The following PSMD9 variants were observed in gnomAD, a reference collection of about 807,000 sequenced individuals.
The protein encoded by PSMD9 is 26S proteasome non-ATPase regulatory subunit 9.
PSMD9 carries 26 observed loss-of-function variants against 25.9 expected under a neutral mutation model. That is an observed-to-expected ratio of 1.00 (90% confidence interval 0.73 to 1.39). The LOEUF (loss-of-function observed/expected upper bound fraction) is 1.39, where lower values mean the gene tolerates loss of function less well. PSMD9 is among the 40% of genes most tolerant of loss of function. PSMD9 has a pLI of 0.00. For synonymous variants in PSMD9, 110 were observed against 114.5 expected (o/e 0.96, Z 0.25); for missense variants, 303 against 299.3 (o/e 1.01, Z -0.09).
At chr12:121,909,155 T>C (rs866969167) in intron 4 of PSMD9, among the ~76,000 whole-genome samples, 2 of 151,880 alleles carry the variant, frequency 1.3e-5, no homozygotes, top group Non-Finnish European at 2.9e-5. Flanking sequence ...CAAAGAGACA[T>C]TTAGGGTGTA....
At chr12:121,893,263 C>A (rs1470455954) in intron 1 of PSMD9, among the ~76,000 whole-genome samples, 1 of 152,176 alleles carries the variant, frequency 6.6e-6, no homozygotes, top group Non-Finnish European at 1.5e-5. Flanking sequence ...ACGGCGAGTC[C>A]TGTGTTAGGG....
intron 5 of PSMD9, 116 bp downstream of exon 5, chr12:121,916,060 C>T (rs1037721654): frequency 1.2e-5 from 15 of 1,244,316 alleles, no homozygotes; most frequent in Non-Finnish European, 1.7e-5. Context: ...CCCCAGTTTG[C>T]ATGGAAACTG....
At chr12:121,914,752 GCT>G (rs1312312062) in intron 4 of PSMD9, 2 of 152,156 alleles carry the variant, frequency 1.3e-5, no homozygotes, top group African/African-American at 4.8e-5. Context: ...TACTCAGGAG[GCT>G]GAGGCACGAG....
At chr12:121,907,911 G>T (rs7969846) in intron 4 of PSMD9, among the ~76,000 whole-genome samples, 7,588 of 152,074 alleles carry the variant, frequency 0.05, 616 homozygotes, top group African/African-American at 0.17. Context: ...AAGCATAGTG[G>T]CATGTGGCCA....
chr12:121,909,502 G>C (rs1490936498), intron 4 of PSMD9, among the ~76,000 whole-genome samples: 1 of 148,828 alleles, frequency 6.7e-6, no homozygotes, highest in South Asian at 2.1e-4. Context: ...TTCATTTTTT[G>C]TAGAGACAGG....
In PSMD9 at chr12:121,916,308, A is replaced by T; in HGVS notation, c.669A>T (p.Arg223Ser). Residue 223 changes from arginine to serine, a missense_variant, in exon 6 of 6, where the codon AGA (arginine) becomes AGT (serine). Arg to Ser is a moderately radical substitution (Grantham distance 110). Transcript: ENST00000541212. ...LLGCNIIPLQ[R>S] ...GCTGCAACATTATTCCTCTGCAAAG[A>T]TGATTGTCCCTGGGGAACAGTAACA... 6.2e-7 allele frequency: 1 copy of T among 1,614,096 alleles called. No homozygotes were observed. The highest frequency in any genetic ancestry group is 8.5e-7 in the Non-Finnish European group (1 of 1,179,976).
chr12:121,912,126 AC>A (rs1879743298), intron 4 of PSMD9, among the ~76,000 whole-genome samples: 1 of 151,210 alleles, frequency 6.6e-6, no homozygotes, highest in African/African-American at 2.4e-5. Context: ...TGCAATCTGG[AC>A]TTCCCAGGCT....
At chr12:121,901,324 C>A (rs1336551079) in intron 3 of PSMD9, among the ~76,000 whole-genome samples, 1 of 152,074 alleles carries the variant, frequency 6.6e-6, no homozygotes, top group Non-Finnish European at 1.5e-5. Context: ...AGCAAATTTT[C>A]AAGTCATCTG....
intron 4 of PSMD9, among the ~76,000 whole-genome samples, chr12:121,913,901 TTTA>T: frequency 6.6e-6 from 1 of 151,828 alleles, no homozygotes; most frequent in Non-Finnish European, 1.5e-5. Flanking sequence ...GTTTTATTTA[TTTA>T]TTTTTATTTT....
At chr12:121,891,266 C>T (rs1299024915) in intron 1 of PSMD9, among the ~76,000 whole-genome samples, 1 of 132,688 alleles carries the variant, frequency 7.5e-6, no homozygotes, top group Admixed American at 8.5e-5. Context: ...ACTGCACTCT[C>T]TTGTGGGTGA....
chr12:121,895,840 C>T (rs914342028), intron 2 of PSMD9, among the ~76,000 whole-genome samples: 9 of 152,200 alleles, frequency 5.9e-5, no homozygotes, highest in African/African-American at 2.2e-4. Flanking sequence ...ATATTCCCAG[C>T]TTCTAGGGGC....
At chr12:121,896,993 A>G (rs929953665) in intron 2 of PSMD9, among the ~76,000 whole-genome samples, 2 of 151,956 alleles carry the variant, frequency 1.3e-5, no homozygotes, top group African/African-American at 4.8e-5. Flanking sequence ...ATACATGTGT[A>G]TGTAAAATAT....
intron 5 of PSMD9, 130 bp downstream of exon 5, chr12:121,916,074 A>G (rs1223507952): frequency 8.3e-7 from 1 of 1,202,970 alleles, no homozygotes. Context: ...GAAACTGCAG[A>G]TAAATCCTCG....
chr12:121,900,018 C>T (rs1401337841), intron 3 of PSMD9, 173 bp downstream of exon 3: 6 of 779,036 alleles, frequency 7.7e-6, no homozygotes, highest in Non-Finnish European at 8.2e-6. Context: ...GTGCTGGGGG[C>T]AGAGTTTTAG....
chr12:121,895,810 C>T lies in PSMD9; in HGVS notation c.241+969C>T, dbSNP rs537742361. Among the ~76,000 whole-genome samples, 6 of 152,326 alleles carry T rather than the reference C, an allele frequency of 3.9e-5. No homozygotes were observed. The South Asian group carries it at 8.3e-4, about 21-fold the overall frequency. On this transcript the variant is annotated intron_variant, in intron 2 of 5. Coordinates refer to ENST00000541212, the MANE Select transcript of PSMD9 (RefSeq NM_002813.7). ...GTCCTTAATCACATCTGCAGAGCCT[C>T]TTTTGCCATGTAAGGTGGCATATTC...
intron 4 of PSMD9, among the ~76,000 whole-genome samples, chr12:121,911,352 T>A (rs1254305601): frequency 6.6e-6 from 1 of 152,138 alleles, no homozygotes; most frequent in Non-Finnish European, 1.5e-5. Flanking sequence ...TTATTTCACT[T>A]AGCATAATGT....
At chr12:121,915,764 T>G in intron 4 of PSMD9, 92 bp from the exon 5 acceptor site, 1 of 1,115,222 alleles carries the variant, frequency 9.0e-7, no homozygotes, top group Non-Finnish European at 1.3e-6. Context: ...TCTTTACCAA[T>G]TTGATAGGCA....
At chr12:121,912,868 C>CAAAAAAAAAA (rs35325016) in intron 4 of PSMD9, among the ~76,000 whole-genome samples, 1 of 85,776 alleles carries the variant, frequency 1.2e-5, no homozygotes, top group African/African-American at 4.2e-5. Flanking sequence ...AACCCTGTCT[C>CAAAAAAAAAA]AAAAAAAAAA....
In PSMD9 at chr12:121,899,703, A is replaced by G; in HGVS notation, c.311A>G (p.Asp104Gly). Residue 104 changes from aspartate to glycine, a missense_variant, in exon 3 of 6, where the codon GAC becomes GGC. Physicochemically the swap from Asp to Gly is moderately conservative, Grantham distance 94. Coordinates refer to ENST00000541212, the MANE Select transcript of PSMD9 (RefSeq NM_002813.7). ...EEALHQLHAR[D>G]KEKQARDMAE... ...GCCCTGCACCAGCTGCACGCTCGCG[A>G]CAAGGAGAAGCAGGCCCGGGACATG... The G allele has an allele frequency of 6.2e-7, 1 of 1,614,126 alleles. No individual in the cohort carries two copies. Among genetic ancestry groups the G allele is most frequent in the Non-Finnish European group, 8.5e-7 (1 of 1,180,014 alleles).
Sources: gnomAD v4.1 joint callset for allele counts (sites outside exome capture counted in the v4.1 genomes callset) on GRCh38, gnomAD v4.1.1 for gene constraint, MANE v1.5 for transcripts, NCBI Gene and HGNC (gene_info 2026-07-23, HGNC 2026-07-21) for gene names.